Variants in MATR3 observed in about 807,000 individuals in gnomAD.
MATR3 encodes matrin 3, also known as matrin-3.
A neutral mutation model predicts 85.5 loss-of-function variants in MATR3; 4 were observed. The observed-to-expected ratio is 0.05, with a 90% CI of 0.02 to 0.11. The LOEUF (loss-of-function observed/expected upper bound fraction) is 0.11, where lower values mean the gene tolerates loss of function less well. Ranked by LOEUF, MATR3 falls within the 10% of genes least tolerant of loss-of-function variation. The pLI, the probability that MATR3 is intolerant of heterozygous loss-of-function variation, is 1.00. For synonymous variants in MATR3, 336 were observed against 343.1 expected, an observed-to-expected ratio of 0.98 and a Z score of 0.23; for missense variants, 685 against 1,016.1, an observed-to-expected ratio of 0.67 and a Z score of 4.43.
intron 8 of MATR3, 98 bp downstream of exon 8, chr5:139,319,131 G>A (rs929706734): frequency 2.9e-6 from 4 of 1,393,138 alleles, no homozygotes; most frequent in Non-Finnish European, 4.0e-6. Context: ...GCCAGGTGTG[G>A]TGGCTCACGC....
At chr5:139,275,502 C>G (rs1340275373) in intron 1 of MATR3, among the ~76,000 whole-genome samples, 1 of 152,140 alleles carries the variant, frequency 6.6e-6, no homozygotes, top group Non-Finnish European at 1.5e-5. Flanking sequence ...TTTTTACTCA[C>G]TCATATTCAC....
At chr5:139,284,560 A>ATT (rs1753641040) in intron 3 of MATR3, among the ~76,000 whole-genome samples, 1 of 152,032 alleles carries the variant, frequency 6.6e-6, no homozygotes, top group South Asian at 2.1e-4. Flanking sequence ...GTGAGCTGAG[A>ATT]TCGTGCCACT....
intron 1 of MATR3, among the ~76,000 whole-genome samples, chr5:139,295,434 T>C (rs1451382951): frequency 6.6e-6 from 1 of 152,228 alleles, no homozygotes; most frequent in African/African-American, 2.4e-5. Context: ...ATTTCTTCCT[T>C]TGCACTTAAC....
At chr5:139,290,438 C>CTTTTTT (rs762364450), upstream of MATR3, among the ~76,000 whole-genome samples, 59 of 44,974 alleles carry the variant, frequency 1.3e-3, 17 homozygotes, top group African/African-American at 3.7e-3. Flanking sequence ...CCTGGCCGCT[C>CTTTTTT]TTTTTTTTTT....
At chr5:139,282,295 C>T (rs1753561547) in intron 3 of MATR3, among the ~76,000 whole-genome samples, 1 of 152,216 alleles carries the variant, frequency 6.6e-6, no homozygotes, top group Non-Finnish European at 1.5e-5. Context: ...TGCTTAGCAA[C>T]ATCTTTCTCC....
At chr5:139,278,255 A>G (rs1253781426) in intron 2 of MATR3, 4 of 450,350 alleles carry the variant, frequency 8.9e-6, no homozygotes, top group African/African-American at 8.0e-5. Context: ...ATATACACAC[A>G]CACACACAAT....
upstream of MATR3, among the ~76,000 whole-genome samples, chr5:139,292,964 A>C (rs905482353): frequency 6.6e-6 from 1 of 152,134 alleles, no homozygotes. Flanking sequence ...CAAAACAAAA[A>C]AAACAGCTGG....
In MATR3 at chr5:139,307,836, A is replaced by G. The variant is rs773408285; in HGVS notation, c.421A>G (p.Ile141Val). The G allele has an allele frequency of 6.2e-7, 1 of 1,614,094 alleles. No homozygotes were observed. The highest frequency in any genetic ancestry group is 8.5e-7 in the Non-Finnish European group (1 of 1,180,018). The part of the protein sequence containing the change: ...DKITPENLPQ[I>V]LLQLKRRRTE... ...GATTACTCCTGAGAATTTGCCCCAA[A>G]TCCTTCTACAGCTTAAAAGGAGGAG... The change falls in exon 2 of 15, where the codon ATC becomes GTC. Residue 141 changes from isoleucine (I) to valine (V), a missense_variant. Physicochemically the swap from Ile to Val is conservative, Grantham distance 29 (BLOSUM62 3). Coordinates refer to ENST00000394805, the MANE Select transcript of MATR3 (RefSeq NM_018834.6). The surrounding 1 kb of genome is among the most constrained non-coding windows in gnomAD (Gnocchi z 4.4).
chr5:139,313,680 A>G (rs1755108222), intron 2 of MATR3: 1 of 152,220 alleles, frequency 6.6e-6, no homozygotes, highest in Non-Finnish European at 1.5e-5. Flanking sequence ...TTCCCACCCT[A>G]AATTTGGAAA....
intron 9 of MATR3, among the ~76,000 whole-genome samples, chr5:139,320,931 T>G (rs1011284020): frequency 1.3e-5 from 2 of 149,512 alleles, no homozygotes; most frequent in African/African-American, 2.5e-5. Flanking sequence ...TTTTTTTTTT[T>G]TTGTATTTTT....
rs1393877421 is a variant in MATR3, at chr5:139,308,265, C to T, written c.850C>T (p.Leu284Phe). ...TAGCAATATTGAAGACTTCCATGGA[C>T]TCTTACCGAAGGGTTATCCCCATCT... is the stretch of plus-strand genomic sequence containing the variant. ...PSSNIEDFHG[L>F]LPKGYPHLCS... Residue 284 changes from leucine to phenylalanine, a missense_variant, in exon 2 of 15, where the codon CTC becomes TTC. Transcript: ENST00000394805. 6.2e-7 allele frequency: 1 copy of T among 1,614,094 alleles called. No individual in the cohort carries two copies. The highest frequency in any genetic ancestry group is 8.5e-7 in the Non-Finnish European group (1 of 1,179,984).
intron 5 of MATR3, 93 bp downstream of exon 5, chr5:139,316,281 T>TCG: frequency 1.1e-6 from 1 of 949,608 alleles, no homozygotes; most frequent in South Asian, 1.4e-5. Flanking sequence ...GTTTTGCTCT[T>TCG]ATCGCCCAGG....
chr5:139,322,248 A>C (rs2152008245), intron 10 of MATR3, among the ~76,000 whole-genome samples: 1 of 152,316 alleles, frequency 6.6e-6, no homozygotes, highest in Non-Finnish European at 1.5e-5. Flanking sequence ...TATCTGTTTA[A>C]GTTTTTCATA....
intron 1 of MATR3, chr5:139,294,187 C>A: frequency 1.6e-6 from 1 of 643,222 alleles, no homozygotes; most frequent in Non-Finnish European, 2.2e-6. Flanking sequence ...CGGGCCGCGG[C>A]GCTGAGGGGG....
At position 139,307,139 on chromosome 5, in the gene MATR3, G is replaced by GTT; in HGVS notation, c.-177-91_-177-90dup. 1.4e-5 allele frequency: 11 copies of GTT among 791,008 alleles called. No individual in the cohort carries two copies. Among genetic ancestry groups the GTT allele is most frequent in the East Asian group, 1.2e-4 (2 of 16,160 alleles). The allele number at this position is 791,008 out of a possible 1,614,324, so 49.0% of individuals were successfully genotyped here. A position where few individuals can be genotyped will look rare whatever the true frequency, so the allele number is the denominator to read the frequency against. ...TCCTTGTAAGTTTGAGATCTTAAAT[G>GTT]TTTTTTTTTTAAATCAACATGATGC... On this transcript the variant is annotated intron_variant, in intron 1 of 14. Coordinates refer to ENST00000394805, the MANE Select transcript of MATR3 (RefSeq NM_018834.6). The surrounding 1 kb of genome is among the most constrained non-coding windows in gnomAD (Gnocchi z 4.4).
intron 7 of MATR3, 33 bp downstream of exon 7, chr5:139,317,754 T>C: frequency 6.7e-7 from 1 of 1,503,738 alleles, no homozygotes; most frequent in Non-Finnish European, 9.1e-7. Context: ...TATTCATTTA[T>C]TCATGCCACT....
At chr5:139,311,438 T>C (rs1754968658) in intron 2 of MATR3, 1 of 152,296 alleles carries the variant, frequency 6.6e-6, no homozygotes, top group Middle Eastern at 3.4e-3. Flanking sequence ...CAACCAGTAA[T>C]AGATCAGTAG....
At chr5:139,319,206 C>A in intron 8 of MATR3, 128 bp from the exon 9 acceptor site, 3 of 1,270,382 alleles carry the variant, frequency 2.4e-6, no homozygotes, top group Non-Finnish European at 1.1e-6. Context: ...GAGTTCCAGG[C>A]AAGCCTGGGC....
intron 5 of MATR3, among the ~76,000 whole-genome samples, chr5:139,316,473 T>C (rs908007852): frequency 1.3e-5 from 2 of 152,088 alleles, no homozygotes; most frequent in African/African-American, 4.8e-5. Flanking sequence ...CTCGAACTCT[T>C]GGCCTCAGGT....
Sources: allele counts gnomAD v4.1 joint callset (sites outside exome capture counted in the v4.1 genomes callset), GRCh38; gene constraint gnomAD v4.1.1; non-coding constraint Gnocchi (gnomAD v3.1); transcripts MANE v1.5; gene names NCBI Gene and HGNC (gene_info 2026-07-23, HGNC 2026-07-21).